Variants in PTPRR observed in about 807,000 individuals in gnomAD.
PTPRR encodes receptor-type tyrosine-protein phosphatase R.
Under a neutral mutation model 77.2 loss-of-function variants are expected in PTPRR, and 38 were observed. The observed-to-expected ratio is 0.49, with a 90% CI of 0.38 to 0.65. The LOEUF is 0.65. Among genes scored for constraint, PTPRR ranks in the 30% least tolerant of loss-of-function variants. The probability of loss-of-function intolerance (pLI) is 0.00; values close to 1 mark genes in which losing one functional copy is unlikely to be tolerated. For missense variants in PTPRR, 744 were observed against 799.2 expected (o/e 0.93, Z 0.83); for synonymous variants, 299 against 283.1 (o/e 1.06, Z -0.57).
rs565500137 is a variant in PTPRR at position 70,712,259 on chromosome 12, G to T, written c.1008-10936C>A. Among the ~76,000 whole-genome samples the T allele has an allele frequency of 7.2e-5, 11 of 152,152 alleles. No homozygotes were observed. The South Asian group carries it at 2.3e-3, about 32-fold the overall frequency. ...AGAATTAAATGAAGAGAATGCACTT[G>T]ATTTGATCACCGTGATCAGATTCTT... On this transcript the variant is annotated intron_variant, in intron 6 of 13. Transcript: ENST00000283228.
intron 10 of PTPRR, among the ~76,000 whole-genome samples, chr12:70,680,911 C>T (rs971951181): frequency 7.9e-5 from 12 of 152,164 alleles, no homozygotes; most frequent in African/African-American, 2.7e-4. Flanking sequence ...GTGGGACTCG[C>T]TTTGGAATGG....
chr12:70,914,967 G>C (rs148007751), intron 1 of PTPRR, among the ~76,000 whole-genome samples: 1 of 152,148 alleles, frequency 6.6e-6, no homozygotes, highest in Non-Finnish European at 1.5e-5. Context: ...AATCTTTGAC[G>C]TGCAAGTCTG....
Position 70,882,009 on chromosome 12 carries a change from G to C in PTPRR, c.357+10670C>G, listed in dbSNP as rs186344006. Among the ~76,000 whole-genome samples the C allele has an allele frequency of 1.7e-3, 265 of 152,222 alleles. 2 individuals are homozygous for C. The highest frequency in any genetic ancestry group is 6.0e-3 in the African/African-American group (251 of 41,540). ...GACACTATTGTGACACAGCCTTTGC[G>C]TTACGCTGTTGGATTTCTTGTTTAG... On this transcript the variant is annotated intron_variant, in intron 2 of 13. Coordinates refer to ENST00000283228, the MANE Select transcript of PTPRR (RefSeq NM_002849.4).
intron 1 of PTPRR, among the ~76,000 whole-genome samples, chr12:70,916,221 T>C (rs1005682412): frequency 2.0e-4 from 30 of 151,984 alleles, no homozygotes; most frequent in African/African-American, 7.3e-4. Context: ...AGTTCTAAAA[T>C]TATTGTGGGA....
rs144720836 is a variant in PTPRR at position 70,731,725 on chromosome 12, C to G, written c.1007+14093G>C. On this transcript the variant is annotated intron_variant, in intron 6 of 13. Coordinates refer to ENST00000283228, the MANE Select transcript of PTPRR (RefSeq NM_002849.4). ...CTGGATGTTTTAGAGCTGAAATAGA[C>G]GAATATGTCTAACTCCCATGAGTAA... 1.1e-3 allele frequency among the ~76,000 whole-genome samples: 171 copies of G among 152,224 alleles called. 2 individuals are homozygous for G. The highest frequency in any genetic ancestry group is 4.0e-3 in the African/African-American group (166 of 41,544).
At chr12:70,659,932 G>T (rs1451104321) in intron 12 of PTPRR, among the ~76,000 whole-genome samples, 1 of 134,068 alleles carries the variant, frequency 7.5e-6, no homozygotes, top group African/African-American at 2.8e-5. Context: ...CCAGCACTTT[G>T]GGAGGCCAAG....
intron 5 of PTPRR, among the ~76,000 whole-genome samples, chr12:70,752,803 TC>T (rs1890444861): frequency 1.3e-5 from 2 of 152,166 alleles, no homozygotes; most frequent in South Asian, 4.1e-4. Context: ...ACTTGAGATT[TC>T]CCATATAAAG....
At chr12:70,900,378 T>C (rs997330632) in intron 1 of PTPRR, among the ~76,000 whole-genome samples, 1 of 151,280 alleles carries the variant, frequency 6.6e-6, no homozygotes, top group African/African-American at 2.4e-5. Flanking sequence ...TATACAAAAA[T>C]GAATTAAAGA....
At chr12:70,680,509 T>C (rs1391932647) in intron 10 of PTPRR, among the ~76,000 whole-genome samples, 3 of 152,208 alleles carry the variant, frequency 2.0e-5, no homozygotes, top group Non-Finnish European at 4.4e-5. Flanking sequence ...GTCAACTTTA[T>C]TGATAACCTC....
chr12:70,663,156 A>G (rs1886857902), intron 10 of PTPRR, among the ~76,000 whole-genome samples: 1 of 152,160 alleles, frequency 6.6e-6, no homozygotes, highest in African/African-American at 2.4e-5. Flanking sequence ...ATGGTATTAT[A>G]TTTTCCCGGA....
At chr12:70,801,340 G>A (rs1350828405) in intron 2 of PTPRR, among the ~76,000 whole-genome samples, 1 of 152,156 alleles carries the variant, frequency 6.6e-6, no homozygotes, top group Admixed American at 6.5e-5. Flanking sequence ...GTGACTGTGA[G>A]GGTGTTTCTG....
chr12:70,689,620 A>G lies in PTPRR; in HGVS notation c.1280-4837T>C, dbSNP rs79728572. 3.4e-3 allele frequency among the ~76,000 whole-genome samples: 515 copies of G among 152,250 alleles called. 3 individuals are homozygous for G. Among genetic ancestry groups the G allele is most frequent in the African/African-American group, 0.011 (468 of 41,548 alleles). ...CAAAACTCTTGGCAGATCACAAAATAACAAACAAGGAGGAGAAGCCACAGT... is the reference window on the plus strand; with the variant it reads ...CAAAACTCTTGGCAGATCACAAAATGACAAACAAGGAGGAGAAGCCACAGT... On this transcript the variant is annotated intron_variant, in intron 8 of 13. Coordinates refer to ENST00000283228, the MANE Select transcript of PTPRR (RefSeq NM_002849.4).
At chr12:70,796,125 T>C (rs1424767616) in intron 2 of PTPRR, among the ~76,000 whole-genome samples, 2 of 151,880 alleles carry the variant, frequency 1.3e-5, no homozygotes, top group African/African-American at 2.4e-5. Flanking sequence ...GGTTTCACTA[T>C]GTTGGGCAGG....
At chr12:70,761,150 G>A (rs1890681932) in intron 4 of PTPRR, among the ~76,000 whole-genome samples, 1 of 152,146 alleles carries the variant, frequency 6.6e-6, no homozygotes, top group South Asian at 2.1e-4. Context: ...TGACATATCA[G>A]TTTCAAGCGA....
At chr12:70,729,925 CTAATGTCATTTGATATTTTTCA>C (rs67583519) in intron 6 of PTPRR, among the ~76,000 whole-genome samples, 104,709 of 151,256 alleles carry the variant, frequency 0.69, 38,513 homozygotes, top group East Asian at 1. Context: ...TTTTGACGTT[CTAATGTCATTTGATATTTTTCA>C]TAATGTCATT....
intron 6 of PTPRR, among the ~76,000 whole-genome samples, chr12:70,723,214 C>G (rs1424278222): frequency 6.6e-6 from 1 of 152,134 alleles, no homozygotes; most frequent in Non-Finnish European, 1.5e-5. Flanking sequence ...AAGTTAAAAA[C>G]CAGTAGCAAC....
At position 70,892,901 on chromosome 12, in the gene PTPRR, C is replaced by T. The variant is rs747249413; in HGVS notation, c.135G>A (p.Lys45=). 2.5e-6 allele frequency: 4 copies of T among 1,613,442 alleles called. No homozygotes were observed. The Admixed American group carries it at 5.0e-5, about 20-fold the overall frequency. ...KKSGKPVFIY[K]HSQDIEKSLD... ...GGCTCTTCTCAATGTCTTGTGAATG[C>T]TTATAAATGAATACCGGCTTCCCAC... The change falls in exon 2 of 14, where the codon AAG becomes AAA. Residue 45 remains lysine, a synonymous_variant. Coordinates refer to ENST00000283228, the MANE Select transcript of PTPRR (RefSeq NM_002849.4).
intron 10 of PTPRR, among the ~76,000 whole-genome samples, chr12:70,663,736 G>C (rs1886878813): frequency 6.6e-6 from 1 of 152,176 alleles, no homozygotes; most frequent in South Asian, 2.1e-4. Context: ...GCTCTTGGAA[G>C]CAATGTTAAT....
chr12:70,915,241 C>A (rs1043249876), intron 1 of PTPRR, among the ~76,000 whole-genome samples: 1 of 152,126 alleles, frequency 6.6e-6, no homozygotes, highest in African/African-American at 2.4e-5. Context: ...ATTACAATAA[C>A]CTCTTTAATT....
Sources: gnomAD v4.1 joint callset for allele counts (sites outside exome capture counted in the v4.1 genomes callset) on GRCh38, gnomAD v4.1.1 for gene constraint, MANE v1.5 for transcripts, NCBI Gene and HGNC (gene_info 2026-07-23, HGNC 2026-07-21) for gene names.